BCKDHB: variants seen among roughly 807,000 people sequenced by gnomAD.
BCKDHB encodes the protein 2-oxoisovalerate dehydrogenase subunit beta, mitochondrial.
BCKDHB carries 41 observed loss-of-function variants against 48.5 expected under a neutral mutation model. The observed-to-expected ratio is 0.85, with a 90% confidence interval of 0.66 to 1.10. The LOEUF (loss-of-function observed/expected upper bound fraction) is 1.10, where lower values mean the gene tolerates loss of function less well. Among genes scored for constraint, BCKDHB ranks in the 50% least tolerant of loss-of-function variants. The pLI is 0.00. For missense variants in BCKDHB, 496 were observed against 494.2 expected (o/e 1.00, Z -0.03); for synonymous variants, 201 against 174.8 (o/e 1.15, Z -1.18).
chr6:80,207,493 G>A (rs1774721817), intron 8 of BCKDHB, among the ~76,000 whole-genome samples: 1 of 151,682 alleles, frequency 6.6e-6, no homozygotes, highest in Admixed American at 6.6e-5. Context: ...TGGGTCAATA[G>A]ATAACAGATG....
the BCKDHB span, among the ~76,000 whole-genome samples, chr6:80,449,373 T>C: frequency 1.3e-5 from 2 of 152,174 alleles, no homozygotes; most frequent in African/African-American, 4.8e-5. Context: ...AACGTGATAA[T>C]AGACTGTGAG....
At chr6:80,405,375 T>C in the BCKDHB span, among the ~76,000 whole-genome samples, 1 of 152,164 alleles carries the variant, frequency 6.6e-6, no homozygotes, top group African/African-American at 2.4e-5. Flanking sequence ...TGGTTTCTAT[T>C]TGATTTACTA....
chr6:80,191,730 C>T (rs577470042), intron 6 of BCKDHB, among the ~76,000 whole-genome samples: 22 of 152,010 alleles, frequency 1.4e-4, no homozygotes, highest in Admixed American at 2.6e-4. Context: ...TCTCTTTTGA[C>T]AAGTTGAAGA....
intron 9 of BCKDHB, chr6:80,307,439 A>T: frequency 1.0e-6 from 1 of 985,250 alleles, no homozygotes; most frequent in Non-Finnish European, 1.2e-6. Flanking sequence ...CTCTGTCAAT[A>T]TTCTGTGCTT....
At chr6:80,305,173 C>T (rs966638522) in intron 9 of BCKDHB, among the ~76,000 whole-genome samples, 1 of 151,856 alleles carries the variant, frequency 6.6e-6, no homozygotes, top group Non-Finnish European at 1.5e-5. Flanking sequence ...AGATAAACAT[C>T]AATACAAATT....
At chr6:80,277,468 T>C (rs1175445090) in intron 9 of BCKDHB, among the ~76,000 whole-genome samples, 1 of 152,070 alleles carries the variant, frequency 6.6e-6, no homozygotes, top group East Asian at 1.9e-4. Context: ...AGAGTAAATT[T>C]TTTTAAGGAT....
chr6:80,201,299 T>C (rs952604149), intron 7 of BCKDHB, among the ~76,000 whole-genome samples: 14 of 152,126 alleles, frequency 9.2e-5, no homozygotes, highest in Admixed American at 2.6e-4. Context: ...AATGGATCCA[T>C]CACCACACAT....
chr6:80,326,338 AGGCTGAGGCATCACTTAGATTT>A, intron 9 of BCKDHB, among the ~76,000 whole-genome samples: 1 of 152,294 alleles, frequency 6.6e-6, no homozygotes, highest in African/African-American at 2.4e-5. Flanking sequence ...GTAATCCTCC[AGGCTGAGGCATCACTTAGATTT>A]GGCATTTGAG....
chr6:80,232,858 C>T (rs1775992826), intron 8 of BCKDHB, among the ~76,000 whole-genome samples: 1 of 151,472 alleles, frequency 6.6e-6, no homozygotes, highest in Non-Finnish European at 1.5e-5. Context: ...AAAAAAATAA[C>T]AGAAATCCAA....
intron 8 of BCKDHB, among the ~76,000 whole-genome samples, chr6:80,256,744 C>A (rs1777068802): frequency 6.6e-6 from 1 of 152,078 alleles, no homozygotes. Context: ...TTAGGCTAAG[C>A]TAAATATACT....
At chr6:80,135,879 A>C (rs568289674) in intron 3 of BCKDHB, 3 of 152,078 alleles carry the variant, frequency 2.0e-5, no homozygotes, top group African/African-American at 7.2e-5. Flanking sequence ...TTCTATCTCT[A>C]TGAATTTGAC....
At chr6:80,299,856 C>T (rs796197927) in intron 9 of BCKDHB, among the ~76,000 whole-genome samples, 2 of 152,138 alleles carry the variant, frequency 1.3e-5, no homozygotes, top group South Asian at 2.1e-4. Context: ...TAATACATAC[C>T]AACCTTGAAT....
intron 8 of BCKDHB, among the ~76,000 whole-genome samples, chr6:80,246,167 TTA>T (rs1484486662): frequency 6.6e-6 from 1 of 152,324 alleles, no homozygotes; most frequent in African/African-American, 2.4e-5. Context: ...TTGTAATAAT[TTA>T]TGATTCTCTA....
intron 9 of BCKDHB, among the ~76,000 whole-genome samples, chr6:80,295,367 G>A (rs927109331): frequency 4.6e-5 from 7 of 152,126 alleles, no homozygotes; most frequent in African/African-American, 1.4e-4. Context: ...CACATCTCGT[G>A]TGGTGGCAGA....
chr6:80,146,385 A>G (rs569078769), intron 3 of BCKDHB, among the ~76,000 whole-genome samples: 1 of 152,302 alleles, frequency 6.6e-6, no homozygotes, highest in Non-Finnish European at 1.5e-5. Context: ...AAATGACAGA[A>G]TTAAATTGTG....
At chr6:80,429,292 A>C in the BCKDHB span, among the ~76,000 whole-genome samples, 1 of 152,168 alleles carries the variant, frequency 6.6e-6, no homozygotes, top group Admixed American at 6.5e-5. Context: ...GTATAGTTTG[A>C]GTTCAGGTAG....
chr6:80,123,982 G>T (rs565971248), intron 1 of BCKDHB, among the ~76,000 whole-genome samples: 1 of 152,164 alleles, frequency 6.6e-6, no homozygotes. Context: ...TAATTGTGAT[G>T]TTAGGGTGTC....
At chr6:80,405,042 C>T in the BCKDHB span, among the ~76,000 whole-genome samples, 1 of 151,948 alleles carries the variant, frequency 6.6e-6, no homozygotes, top group Non-Finnish European at 1.5e-5. Flanking sequence ...TGTGTATGTT[C>T]TTTGGGTCCA....
At chr6:80,235,466 A>T (rs1776111333) in intron 8 of BCKDHB, among the ~76,000 whole-genome samples, 1 of 152,216 alleles carries the variant, frequency 6.6e-6, no homozygotes, top group Non-Finnish European at 1.5e-5. Flanking sequence ...TAACCTTTGG[A>T]TAATCACTGA....
Sources: allele counts gnomAD v4.1 joint callset (sites outside exome capture counted in the v4.1 genomes callset), GRCh38; gene constraint gnomAD v4.1.1; transcripts MANE v1.5; gene names NCBI Gene and HGNC (gene_info 2026-07-23, HGNC 2026-07-21).